ZBTB20: variants seen among roughly 807,000 people sequenced by gnomAD.
The protein encoded by ZBTB20 is zinc finger and BTB domain-containing protein 20.
Under a neutral mutation model 56.9 loss-of-function variants are expected in ZBTB20, and 9 were observed. That is an observed-to-expected ratio of 0.16 (90% CI 0.10 to 0.28). ZBTB20 has a LOEUF of 0.28. ZBTB20 is among the 10% of genes least tolerant of loss of function. ZBTB20 has a pLI of 1.00. For missense variants in ZBTB20, 655 were observed against 1,003.0 expected, an observed-to-expected ratio of 0.65 and a Z score of 4.69; for synonymous variants, 417 against 420.7, an observed-to-expected ratio of 0.99 and a Z score of 0.11.
chr3:114,717,206 G>C (rs960908952), intron 5 of ZBTB20, among the ~76,000 whole-genome samples: 5 of 152,122 alleles, frequency 3.3e-5, no homozygotes, highest in African/African-American at 1.2e-4. Context: ...AGATGTGTGT[G>C]TTTTCTAAAT....
intron 1 of ZBTB20, among the ~76,000 whole-genome samples, chr3:115,073,386 C>A (rs887047113): frequency 6.6e-6 from 1 of 152,104 alleles, no homozygotes; most frequent in Non-Finnish European, 1.5e-5. Flanking sequence ...ACAGATAAAT[C>A]TTTGGCATTG....
intron 6 of ZBTB20, among the ~76,000 whole-genome samples, chr3:114,550,033 G>T (rs966032214): frequency 1.3e-5 from 2 of 152,166 alleles, no homozygotes; most frequent in South Asian, 4.2e-4. Context: ...CACCTCCTGG[G>T]TTCATGCCAT....
chr3:115,065,474 CT>C (rs2082173700), intron 2 of ZBTB20, among the ~76,000 whole-genome samples: 1 of 152,114 alleles, frequency 6.6e-6, no homozygotes, highest in Non-Finnish European at 1.5e-5. Flanking sequence ...AGTTGTGTCT[CT>C]TTAATATGTT....
intron 3 of ZBTB20, among the ~76,000 whole-genome samples, chr3:114,963,407 T>C (rs759665230): frequency 6.6e-6 from 1 of 152,144 alleles, no homozygotes; most frequent in Non-Finnish European, 1.5e-5. Context: ...CTTAAATCTA[T>C]AAAGCTGCTT....
chr3:114,843,869 T>C (rs1457741144), intron 4 of ZBTB20, among the ~76,000 whole-genome samples: 2 of 149,638 alleles, frequency 1.3e-5, no homozygotes, highest in Non-Finnish European at 3.0e-5. Context: ...GTATTTTGAG[T>C]AGAGACAAGG....
chr3:114,771,327 A>AT (rs1459667225), intron 5 of ZBTB20, among the ~76,000 whole-genome samples: 2 of 152,204 alleles, frequency 1.3e-5, no homozygotes, highest in Non-Finnish European at 2.9e-5. Context: ...TTGTTAGTTG[A>AT]TTTGTGATTA....
intron 6 of ZBTB20, among the ~76,000 whole-genome samples, chr3:114,671,447 T>C (rs1268375260): frequency 6.6e-6 from 1 of 152,132 alleles, no homozygotes; most frequent in African/African-American, 2.4e-5. Flanking sequence ...TAAAATAATC[T>C]TGAAGGGATC....
At chr3:115,010,225 TG>T (rs992694604) in intron 2 of ZBTB20, among the ~76,000 whole-genome samples, 1 of 151,942 alleles carries the variant, frequency 6.6e-6, no homozygotes, top group Non-Finnish European at 1.5e-5. Context: ...TACACAGGCC[TG>T]GCTGGCTTTT....
intron 3 of ZBTB20, among the ~76,000 whole-genome samples, chr3:114,959,233 C>A (rs2077356989): frequency 6.6e-6 from 1 of 151,986 alleles, no homozygotes; most frequent in African/African-American, 2.4e-5. Flanking sequence ...CAAACATTTT[C>A]CTCAATAAAA....
At chr3:114,578,111 A>C (rs1252562032) in intron 6 of ZBTB20, among the ~76,000 whole-genome samples, 1 of 152,148 alleles carries the variant, frequency 6.6e-6, no homozygotes, top group African/African-American at 2.4e-5. Context: ...GATAGAAATA[A>C]AATAAGAATA....
chr3:114,766,278 A>G (rs2068779888), intron 5 of ZBTB20, among the ~76,000 whole-genome samples: 2 of 151,594 alleles, frequency 1.3e-5, no homozygotes, highest in Non-Finnish European at 3.0e-5. Context: ...AGTGTTATCA[A>G]TCTGAAATGG....
rs143596376 is a variant in ZBTB20, at chr3:114,497,757, G to A, written c.-255+2595C>T. On this transcript the variant is annotated intron_variant, in intron 7 of 11. Transcript: ENST00000675478. ...AAAGAAAGCATTTCTTATTTATCCC[G>A]GAGTTTCCAGAACCAAGCACAGTGA... 3.5e-3 allele frequency among the ~76,000 whole-genome samples: 539 copies of A among 152,222 alleles called. 4 individuals are homozygous for A. The highest frequency in any genetic ancestry group is 0.022 in the East Asian group (115 of 5,184).
intron 3 of ZBTB20, among the ~76,000 whole-genome samples, chr3:114,943,860 T>A: frequency 7.6e-6 from 1 of 131,704 alleles, no homozygotes; most frequent in African/African-American, 3.4e-5. Flanking sequence ...AGCCACAAAT[T>A]CAAGAATGTC....
Position 114,331,103 on chromosome 3 carries a change from TTA to T in ZBTB20, c.*7900_*7901del, listed in dbSNP as rs1303858463. 3.0e-5 allele frequency: 2 copies of T among 65,876 alleles called. No individual in the cohort carries two copies. The highest frequency in any genetic ancestry group is 6.9e-5 in the Non-Finnish European group (2 of 28,978). The allele number at this position is 65,876 out of a possible 1,614,324, so 4.1% of individuals were successfully genotyped here. A position where few individuals can be genotyped will look rare whatever the true frequency, so the allele number is the denominator to read the frequency against. On this transcript the variant is annotated 3_prime_UTR_variant, in exon 12 of 12. Transcript: ENST00000675478. ...GGAAGCTTTAGTTTGAGAATAAAAT[TTA>T]TGTGTGTGTGTGTGTGTGTGTGTGT...
intron 10 of ZBTB20, among the ~76,000 whole-genome samples, chr3:114,353,775 G>T (rs2080928283): frequency 6.6e-6 from 1 of 152,194 alleles, no homozygotes; most frequent in South Asian, 2.1e-4. Flanking sequence ...ACTGCTTTCT[G>T]TATATGATTT....
chr3:114,994,230 T>C (rs2078938148), intron 2 of ZBTB20, among the ~76,000 whole-genome samples: 1 of 151,752 alleles, frequency 6.6e-6, no homozygotes, highest in African/African-American at 2.4e-5. Flanking sequence ...CCTAGAAACA[T>C]GAAATGTAAG....
intron 2 of ZBTB20, among the ~76,000 whole-genome samples, chr3:115,023,420 T>G (rs1375897778): frequency 6.6e-6 from 1 of 150,882 alleles, no homozygotes; most frequent in Non-Finnish European, 1.5e-5. Context: ...GTGCCCCATG[T>G]GTTCTTTCTC....
At chr3:114,536,997 A>C (rs562881268) in intron 6 of ZBTB20, among the ~76,000 whole-genome samples, 13 of 152,336 alleles carry the variant, frequency 8.5e-5, no homozygotes, top group Admixed American at 6.5e-4. Context: ...CTCAAGATGG[A>C]TTAAAGACCT....
chr3:115,060,372 T>C (rs1475651817), intron 2 of ZBTB20, among the ~76,000 whole-genome samples: 2 of 152,182 alleles, frequency 1.3e-5, no homozygotes, highest in South Asian at 2.1e-4. Flanking sequence ...TTGCAAACCT[T>C]TTCCCTATTT....
Sources: gnomAD v4.1 joint callset for allele counts (sites outside exome capture counted in the v4.1 genomes callset) on GRCh38, gnomAD v4.1.1 for gene constraint, MANE v1.5 for transcripts, NCBI Gene and HGNC (gene_info 2026-07-23, HGNC 2026-07-21) for gene names.